Variants in XXYLT1 observed in about 807,000 individuals in gnomAD.
XXYLT1 encodes xyloside xylosyltransferase 1.
XXYLT1 carries 20 observed loss-of-function variants against 28.9 expected under a neutral mutation model. That is an observed-to-expected ratio of 0.69 (90% CI 0.49 to 1.00). XXYLT1 has a LOEUF of 1.00. Ranked by LOEUF, XXYLT1 falls within the 50% of genes least tolerant of loss-of-function variation. The pLI is 0.00. For missense variants in XXYLT1, 542 were observed against 560.1 expected (o/e 0.97, Z 0.33); for synonymous variants, 257 against 253.8 (o/e 1.01, Z -0.12).
chr3:195,206,907 A>G (rs1723095080), intron 2 of XXYLT1, among the ~76,000 whole-genome samples: 1 of 152,182 alleles, frequency 6.6e-6, no homozygotes, highest in Admixed American at 6.5e-5. Flanking sequence ...GTAACTACTG[A>G]AGCCGGTGAT....
chr3:195,198,069 A>T (rs182835321), intron 2 of XXYLT1, among the ~76,000 whole-genome samples: 1 of 152,378 alleles, frequency 6.6e-6, no homozygotes, highest in East Asian at 1.9e-4. Flanking sequence ...TCACAACAGA[A>T]GATAATCCAA....
Position 195,131,160 on chromosome 3 carries a change from C to T in XXYLT1, c.785+25289G>A, listed in dbSNP as rs1277595933. On this transcript the variant is annotated intron_variant, in intron 3 of 3. Transcript: ENST00000310380. Reference sequence around the variant, plus strand: ...TCCCAAGCTGCTGAGGAAGCAGCCTCGCTTTGTCACAGGCATCCTCATTAC... The same window carrying T: ...TCCCAAGCTGCTGAGGAAGCAGCCTTGCTTTGTCACAGGCATCCTCATTAC... Among the ~76,000 whole-genome samples, 4 of 152,324 alleles carry T rather than the reference C, an allele frequency of 2.6e-5. No homozygotes were observed. In the South Asian group the frequency reaches 6.2e-4, roughly 24 times the overall value.
intron 2 of XXYLT1, among the ~76,000 whole-genome samples, chr3:195,186,896 G>GTTTT (rs756410119): frequency 7.3e-6 from 1 of 137,152 alleles, no homozygotes; most frequent in African/African-American, 2.7e-5. Context: ...ACTGGCTGAA[G>GTTTT]TTTTTTTTTT....
intron 2 of XXYLT1, among the ~76,000 whole-genome samples, chr3:195,178,301 C>T (rs1721774914): frequency 6.6e-6 from 1 of 152,140 alleles, no homozygotes; most frequent in Non-Finnish European, 1.5e-5. Context: ...CAAACCTAAC[C>T]GCTAATCACC....
At chr3:195,270,114 G>A in intron 1 of XXYLT1, 2 of 345,514 alleles carry the variant, frequency 5.8e-6, no homozygotes, top group South Asian at 2.2e-5. Context: ...AAGTGTCACT[G>A]CAACTTCAAC....
At position 195,168,295 on chromosome 3, in the gene XXYLT1, C is replaced by T. The variant is rs1162340124; in HGVS notation, c.653-11714G>A. 6.6e-6 allele frequency among the ~76,000 whole-genome samples: 1 copy of T among 152,160 alleles called. No individual in the cohort carries two copies. The highest frequency in any genetic ancestry group is 1.5e-5 in the Non-Finnish European group (1 of 68,020). ...CCCTCACTCATACCTTGTTTGTTCT[C>T]AGAACAGCACAAATATATCATCAGA... On this transcript the variant is annotated intron_variant, in intron 2 of 3. Transcript: ENST00000310380. The surrounding 1 kb of genome is among the most constrained non-coding windows in gnomAD (Gnocchi z 4.3).
intron 2 of XXYLT1, among the ~76,000 whole-genome samples, chr3:195,163,603 C>T (rs140888039): frequency 4.7e-4 from 72 of 152,340 alleles, no homozygotes; most frequent in African/African-American, 1.3e-3. Context: ...TGCTTTAACT[C>T]GTTTGATCCT....
At chr3:195,127,982 C>T (rs1266808997) in intron 3 of XXYLT1, among the ~76,000 whole-genome samples, 1 of 152,188 alleles carries the variant, frequency 6.6e-6, no homozygotes, top group African/African-American at 2.4e-5. Flanking sequence ...AACATCCAAA[C>T]ATCCGTCTCC....
intron 3 of XXYLT1, among the ~76,000 whole-genome samples, chr3:195,138,599 T>C (rs1424723819): frequency 6.6e-6 from 1 of 152,166 alleles, no homozygotes; most frequent in Non-Finnish European, 1.5e-5. Flanking sequence ...GGCTCATGTC[T>C]GTAATCCCAG....
At chr3:195,119,688 C>G (rs140880617) in intron 3 of XXYLT1, among the ~76,000 whole-genome samples, 1 of 152,284 alleles carries the variant, frequency 6.6e-6, no homozygotes, top group Admixed American at 6.5e-5. Context: ...AGGGCTGTTT[C>G]GTCCTCACTC....
chr3:195,227,480 G>A (rs1036946771), intron 1 of XXYLT1, among the ~76,000 whole-genome samples: 1 of 152,202 alleles, frequency 6.6e-6, no homozygotes, highest in Admixed American at 6.5e-5. Flanking sequence ...ACTGTGAGAA[G>A]TATAAGGAAT....
chr3:195,120,485 C>T (rs368999170), intron 3 of XXYLT1, among the ~76,000 whole-genome samples: 7 of 152,148 alleles, frequency 4.6e-5, no homozygotes, highest in South Asian at 4.1e-4. Context: ...CGTGAGGATT[C>T]AGTGACACTC....
At chr3:195,245,315 C>A (rs1203914902) in intron 1 of XXYLT1, among the ~76,000 whole-genome samples, 2 of 151,668 alleles carry the variant, frequency 1.3e-5, no homozygotes, top group African/African-American at 4.8e-5. Flanking sequence ...CACGCACCAC[C>A]ACGCCCAGCT....
chr3:195,072,544 G>A (rs1292795253), intron 3 of XXYLT1, among the ~76,000 whole-genome samples: 1 of 152,166 alleles, frequency 6.6e-6, no homozygotes. Flanking sequence ...CAGCACAAGT[G>A]GCTCTTTGGG....
intron 2 of XXYLT1, among the ~76,000 whole-genome samples, chr3:195,220,642 C>T (rs1160948347): frequency 1.3e-5 from 2 of 152,226 alleles, no homozygotes. Flanking sequence ...GCTCCCTACA[C>T]TGGACATTAA....
intron 3 of XXYLT1, among the ~76,000 whole-genome samples, chr3:195,081,656 C>T (rs1715441668): frequency 6.6e-6 from 1 of 152,178 alleles, no homozygotes; most frequent in African/African-American, 2.4e-5. Flanking sequence ...CTGCAGGCTT[C>T]CAAATATAAA....
chr3:195,205,156 C>A (rs565968322), intron 2 of XXYLT1, among the ~76,000 whole-genome samples: 1 of 152,254 alleles, frequency 6.6e-6, no homozygotes, highest in African/African-American at 2.4e-5. Context: ...AAGTAACTAC[C>A]AAAAGACCCA....
At chr3:195,105,985 G>A (rs1259357101) in intron 3 of XXYLT1, among the ~76,000 whole-genome samples, 2 of 152,024 alleles carry the variant, frequency 1.3e-5, no homozygotes, top group African/African-American at 2.4e-5. Flanking sequence ...GATTAATGTC[G>A]GCAGCATTTC....
intron 2 of XXYLT1, among the ~76,000 whole-genome samples, chr3:195,171,806 G>A (rs1244378378): frequency 6.6e-6 from 1 of 152,246 alleles, no homozygotes; most frequent in African/African-American, 2.4e-5. Flanking sequence ...ATCAAGAGAT[G>A]AGGTTGCCTC....
Sources: gnomAD v4.1 joint callset for allele counts (sites outside exome capture counted in the v4.1 genomes callset) on GRCh38, gnomAD v4.1.1 for gene constraint, Gnocchi (gnomAD v3.1) non-coding constraint, MANE v1.5 for transcripts, NCBI Gene and HGNC (gene_info 2026-07-23, HGNC 2026-07-21) for gene names.